The following RTL4 variants were observed in gnomAD, a reference collection of about 807,000 sequenced individuals.
RTL4 encodes retrotransposon Gag-like protein 4.
A neutral mutation model predicts 5.3 loss-of-function variants in RTL4; 4 were observed. That is an observed-to-expected ratio of 0.75 (90% confidence interval 0.37 to 1.72). The LOEUF (loss-of-function observed/expected upper bound fraction) is 1.72. Ranked by LOEUF, RTL4 falls within the 40% of genes most tolerant of loss-of-function variation. The pLI is 0.04. For missense variants in RTL4, 260 were observed against 227.1 expected, an observed-to-expected ratio of 1.14 and a Z score of -0.93; for synonymous variants, 98 against 87.3, an observed-to-expected ratio of 1.12 and a Z score of -0.68.
chrX:112,252,611 G>T, the RTL4 span, among the ~76,000 whole-genome samples: 37 of 110,569 alleles, frequency 3.3e-4, no homozygotes, highest in Admixed American at 3.4e-3. Context: ...CTTTTTCCCC[G>T]CTGGCTCTGC....
the RTL4 span, among the ~76,000 whole-genome samples, chrX:112,274,378 C>A: frequency 1.8e-5 from 2 of 111,867 alleles, no homozygotes; most frequent in Non-Finnish European, 3.8e-5. Context: ...CTGTTCTGAG[C>A]CCATGTTATA....
chrX:112,268,436 T>C, the RTL4 span, among the ~76,000 whole-genome samples: 1 of 111,780 alleles, frequency 8.9e-6, no homozygotes, highest in African/African-American at 3.3e-5. Context: ...ATATATACTC[T>C]CTTAGGGCAG....
the RTL4 span, among the ~76,000 whole-genome samples, chrX:112,261,107 T>C: frequency 9.0e-6 from 1 of 111,694 alleles, no homozygotes; most frequent in African/African-American, 3.3e-5. Context: ...AATGAGGATA[T>C]AAGAATGAAT....
At chrX:112,381,884 T>C in the RTL4 span, 15 of 1,207,589 alleles carry the variant, frequency 1.2e-5, no homozygotes, top group South Asian at 1.8e-5. Flanking sequence ...CAAGAGGCTA[T>C]TGGGAAAGAG....
the RTL4 span, among the ~76,000 whole-genome samples, chrX:112,340,303 A>AT: frequency 9.0e-6 from 1 of 111,272 alleles, no homozygotes; most frequent in Non-Finnish European, 1.9e-5. Context: ...GTTTATGCAT[A>AT]TACCAAAGAG....
the RTL4 span, among the ~76,000 whole-genome samples, chrX:112,251,852 C>G: frequency 9.0e-6 from 1 of 111,676 alleles, no homozygotes; most frequent in African/African-American, 3.3e-5. Context: ...CTTTAATATC[C>G]CAATGCCTAA....
At chrX:112,357,091 T>C in the RTL4 span, among the ~76,000 whole-genome samples, 3 of 111,276 alleles carry the variant, frequency 2.7e-5, no homozygotes, top group Non-Finnish European at 5.7e-5. Flanking sequence ...GTTTCAGGAG[T>C]ACGGCTCACT....
the RTL4 span, among the ~76,000 whole-genome samples, chrX:112,442,546 G>C: frequency 9.0e-6 from 1 of 111,083 alleles, no homozygotes; most frequent in Non-Finnish European, 1.9e-5. Flanking sequence ...ACTGTGCCTG[G>C]CCTCTTTGCT....
At chrX:112,257,163 GT>G in the RTL4 span, among the ~76,000 whole-genome samples, 4 of 111,268 alleles carry the variant, frequency 3.6e-5, no homozygotes, top group African/African-American at 1.3e-4. Context: ...TTTTTATTCT[GT>G]TTTCTAGTTT....
chrX:112,261,087 T>G, the RTL4 span, among the ~76,000 whole-genome samples: 24,638 of 111,068 alleles, frequency 0.22, 2,276 homozygotes, highest in African/African-American at 0.36. Context: ...CATTAGGGAC[T>G]GTGTAAAGCA....
At chrX:112,357,224 A>G in the RTL4 span, among the ~76,000 whole-genome samples, 1 of 109,505 alleles carries the variant, frequency 9.1e-6, no homozygotes, top group Non-Finnish European at 1.9e-5. Flanking sequence ...CTTACTTTCT[A>G]CTAGCTTAAC....
the RTL4 span, among the ~76,000 whole-genome samples, chrX:112,137,719 G>T: frequency 9.0e-6 from 1 of 111,662 alleles, no homozygotes; most frequent in South Asian, 3.8e-4. Flanking sequence ...AACCATAACA[G>T]ATGGCTATTA....
the RTL4 span, among the ~76,000 whole-genome samples, chrX:112,120,672 C>T: frequency 1.9e-5 from 2 of 106,697 alleles, no homozygotes; most frequent in Non-Finnish European, 3.8e-5. Flanking sequence ...AAAAAAAACA[C>T]GCCAAAACCT....
chrX:112,454,803 G>A lies in RTL4; in HGVS notation c.75G>A (p.Leu25=), dbSNP rs139735826. The A allele has an allele frequency of 1.7e-5, 21 of 1,207,713 alleles. No individual in the cohort carries two copies. The African/African-American group carries it at 2.3e-4, about 13-fold the overall frequency. Residue 25 remains leucine (L), a synonymous_variant, in exon 1 of 1, where the codon CTG becomes CTA. Transcript: ENST00000340433. ...TTCTTCAGGCAGAGAATCTGATTCT[G>A]CGGCTTCAAATGCAGCATCCAACCA...
At chrX:112,141,972 C>T in the RTL4 span, among the ~76,000 whole-genome samples, 1 of 111,666 alleles carries the variant, frequency 9.0e-6, no homozygotes, top group Admixed American at 9.5e-5. Context: ...GTTCTCTAGA[C>T]ATATTAGACA....
At chrX:112,111,738 T>C in the RTL4 span, among the ~76,000 whole-genome samples, 1 of 112,586 alleles carries the variant, frequency 8.9e-6, no homozygotes. Flanking sequence ...TGGCATAACC[T>C]GCCTTTCATA....
At chrX:112,238,037 T>A in the RTL4 span, among the ~76,000 whole-genome samples, 1 of 112,281 alleles carries the variant, frequency 8.9e-6, no homozygotes, top group Admixed American at 9.5e-5. Context: ...GTGTCTTTTG[T>A]CTTCCATTAA....
the RTL4 span, among the ~76,000 whole-genome samples, chrX:112,272,542 T>C: frequency 9.0e-6 from 1 of 111,440 alleles, no homozygotes; most frequent in Non-Finnish European, 1.9e-5. Context: ...GAATGGGCTG[T>C]GAATGTGGAG....
chrX:112,175,018 A>G, the RTL4 span, among the ~76,000 whole-genome samples: 1 of 85,374 alleles, frequency 1.2e-5, no homozygotes, highest in African/African-American at 4.2e-5. Flanking sequence ...ATTTTCTCCC[A>G]TTTTGTAGGT....
Sources: gnomAD v4.1 joint callset for allele counts (sites outside exome capture counted in the v4.1 genomes callset) on GRCh38, gnomAD v4.1.1 for gene constraint, MANE v1.5 for transcripts, NCBI Gene and HGNC (gene_info 2026-07-23, HGNC 2026-07-21) for gene names.